The following CFAP61 variants were observed in gnomAD, a reference collection of about 807,000 sequenced individuals.
CFAP61 encodes cilia and flagella associated protein 61.
A neutral mutation model predicts 135.6 loss-of-function variants in CFAP61; 107 were observed. The ratio of observed to expected loss-of-function variants is 0.79; its 90% CI spans 0.67 to 0.93. CFAP61 has a LOEUF of 0.93. CFAP61 is among the 40% of genes least tolerant of loss of function. The probability of loss-of-function intolerance (pLI) is 0.00; values close to 1 mark genes in which losing one functional copy is unlikely to be tolerated. For synonymous variants in CFAP61, 575 were observed against 578.5 expected (o/e 0.99, Z 0.09); for missense variants, 1,507 against 1,556.2 (o/e 0.97, Z 0.53).
intron 25 of CFAP61, among the ~76,000 whole-genome samples, chr20:20,321,760 C>T (rs764075507): frequency 6.6e-6 from 1 of 152,180 alleles, no homozygotes; most frequent in Non-Finnish European, 1.5e-5. Context: ...ATAGGTATGG[C>T]TTGGTGAGAC....
intron 6 of CFAP61, among the ~76,000 whole-genome samples, chr20:20,082,800 T>G (rs964032630): frequency 3.9e-5 from 6 of 152,142 alleles, no homozygotes; most frequent in Non-Finnish European, 8.8e-5. Flanking sequence ...TACTACTACC[T>G]TACTCCTGCA....
chr20:20,112,490 A>G (rs568990067), intron 8 of CFAP61, among the ~76,000 whole-genome samples: 3 of 151,266 alleles, frequency 2.0e-5, no homozygotes, highest in African/African-American at 7.3e-5. Flanking sequence ...TTAATTTTTG[A>G]TATCTCTTTT....
intron 5 of CFAP61, 90 bp downstream of exon 5, chr20:20,075,346 T>G: frequency 6.7e-7 from 1 of 1,483,606 alleles, no homozygotes; most frequent in South Asian, 1.1e-5. Flanking sequence ...GAAATAAGAG[T>G]GGTCTCCAGG....
At chr20:20,352,001 C>G (rs1602147160) in intron 26 of CFAP61, among the ~76,000 whole-genome samples, 3 of 152,006 alleles carry the variant, frequency 2.0e-5, no homozygotes, top group African/African-American at 7.2e-5. Flanking sequence ...ATTTCAAAAC[C>G]ATAGTAATCA....
intron 12 of CFAP61, 107 bp from the exon 13 acceptor site, chr20:20,169,214 T>C (rs2054045581): frequency 9.3e-7 from 1 of 1,075,568 alleles, no homozygotes; most frequent in African/African-American, 1.6e-5. Flanking sequence ...ATCCTCTCCT[T>C]AATCAACACA....
intron 13 of CFAP61, among the ~76,000 whole-genome samples, chr20:20,181,188 T>TATATATGTATATATATGTATATATAC (rs2055049907): frequency 1.5e-5 from 2 of 130,690 alleles, no homozygotes; most frequent in East Asian, 4.1e-4. Flanking sequence ...TATATATGCA[T>TATATATGTATATATATGTATATATAC]ATATATGTAT....
At chr20:20,065,609 A>C (rs2045190040) in intron 2 of CFAP61, among the ~76,000 whole-genome samples, 1 of 126,156 alleles carries the variant, frequency 7.9e-6, no homozygotes, top group Non-Finnish European at 1.7e-5. Flanking sequence ...TATTTTATAG[A>C]CATTTTGAAA....
intron 25 of CFAP61, among the ~76,000 whole-genome samples, chr20:20,306,224 G>C (rs553495645): frequency 6.6e-6 from 1 of 152,304 alleles, no homozygotes; most frequent in African/African-American, 2.4e-5. Flanking sequence ...AGATGATAGT[G>C]TGGAAGAAAA....
intron 8 of CFAP61, among the ~76,000 whole-genome samples, chr20:20,136,472 T>G (rs2050935562): frequency 6.6e-6 from 1 of 152,074 alleles, no homozygotes; most frequent in Admixed American, 6.6e-5. Flanking sequence ...TAAAATAGCC[T>G]GTTTTCAAGC....
rs77529414 is a variant in CFAP61 at position 20,133,931 on chromosome 20, T to C, written c.860-8926T>C. 4.5e-3 allele frequency among the ~76,000 whole-genome samples: 682 copies of C among 152,346 alleles called. 4 individuals are homozygous for C. The highest frequency in any genetic ancestry group is 0.016 in the African/African-American group (648 of 41,588). ...CCTTTCATGCAACCCGCCTAGTATCTTTCTTTGTATCACTGTGGACTTTAT... is the reference window on the plus strand; with the variant it reads ...CCTTTCATGCAACCCGCCTAGTATCCTTCTTTGTATCACTGTGGACTTTAT... On this transcript the variant is annotated intron_variant, in intron 8 of 26. Transcript: ENST00000245957.
At chr20:20,219,666 A>G (rs766635277) in intron 17 of CFAP61, among the ~76,000 whole-genome samples, 2 of 152,230 alleles carry the variant, frequency 1.3e-5, no homozygotes, top group South Asian at 2.1e-4. Context: ...AACCAACAAT[A>G]TAAATTTTTT....
At chr20:20,092,170 A>T (rs2146619820) in intron 7 of CFAP61, among the ~76,000 whole-genome samples, 1 of 152,358 alleles carries the variant, frequency 6.6e-6, no homozygotes, top group East Asian at 1.9e-4. Flanking sequence ...TACAGTTTTG[A>T]ATAGTACAGG....
intron 13 of CFAP61, among the ~76,000 whole-genome samples, chr20:20,170,282 T>C (rs6081902): frequency 0.2 from 29,736 of 152,256 alleles, 3,599 homozygotes; most frequent in Non-Finnish European, 0.27. Context: ...TGTCTTATAC[T>C]ATACCAAGTT....
intron 24 of CFAP61, among the ~76,000 whole-genome samples, chr20:20,296,091 TTCC>T (rs1569259196): frequency 7.1e-4 from 13 of 18,270 alleles, no homozygotes; most frequent in Non-Finnish European, 1.2e-3. Context: ...TCTTCCTTCT[TTCC>T]TTCCTTCCTT....
intron 20 of CFAP61, among the ~76,000 whole-genome samples, chr20:20,252,526 T>C (rs2051019764): frequency 2.0e-5 from 3 of 151,746 alleles, no homozygotes; most frequent in African/African-American, 7.2e-5. Context: ...TTGTAAACTT[T>C]CTTAAAACAT....
intron 21 of CFAP61, among the ~76,000 whole-genome samples, chr20:20,270,768 CA>C (rs2053277485): frequency 6.6e-6 from 1 of 151,558 alleles, no homozygotes; most frequent in Admixed American, 6.6e-5. Context: ...GCCCTGGGTT[CA>C]AATGATCCTC....
At chr20:20,279,077 C>T (rs1159932510) in intron 22 of CFAP61, among the ~76,000 whole-genome samples, 1 of 152,172 alleles carries the variant, frequency 6.6e-6, no homozygotes, top group African/African-American at 2.4e-5. Context: ...TATTCTGGAG[C>T]ACCTCTAGAG....
At chr20:20,305,299 A>G (rs935200546) in intron 25 of CFAP61, among the ~76,000 whole-genome samples, 4 of 152,242 alleles carry the variant, frequency 2.6e-5, no homozygotes, top group Non-Finnish European at 4.4e-5. Context: ...CTGTCTTTGG[A>G]ACTGCAAAGC....
intron 26 of CFAP61, among the ~76,000 whole-genome samples, chr20:20,351,206 C>T (rs978996144): frequency 6.6e-6 from 1 of 152,034 alleles, no homozygotes; most frequent in Non-Finnish European, 1.5e-5. Flanking sequence ...CACATAAAAT[C>T]CTTAAAGACT....
Sources: allele counts gnomAD v4.1 joint callset (sites outside exome capture counted in the v4.1 genomes callset), GRCh38; gene constraint gnomAD v4.1.1; transcripts MANE v1.5; gene names NCBI Gene and HGNC (gene_info 2026-07-23, HGNC 2026-07-21).